LSAMP: variants seen among roughly 807,000 people sequenced by gnomAD.
LSAMP encodes the protein limbic system-associated membrane protein.
Under a neutral mutation model 38.6 loss-of-function variants are expected in LSAMP, and 7 were observed. The ratio of observed to expected loss-of-function variants is 0.18; its 90% CI spans 0.10 to 0.34. LSAMP has a LOEUF of 0.34. Among genes scored for constraint, LSAMP ranks in the 10% least tolerant of loss-of-function variants. The pLI, the probability that LSAMP is intolerant of heterozygous loss-of-function variation, is 1.00. For missense variants in LSAMP, 313 were observed against 420.0 expected (o/e 0.75, Z 2.23); for synonymous variants, 154 against 166.8 (o/e 0.92, Z 0.59).
At chr3:116,009,247 T>G (rs912533883) in intron 3 of LSAMP, among the ~76,000 whole-genome samples, 1 of 152,156 alleles carries the variant, frequency 6.6e-6, no homozygotes, top group Non-Finnish European at 1.5e-5. Context: ...TGGATGATGC[T>G]CAAACTGTGG....
chr3:115,982,256 T>C (rs1939381856), intron 3 of LSAMP, among the ~76,000 whole-genome samples: 1 of 152,148 alleles, frequency 6.6e-6, no homozygotes, highest in South Asian at 2.1e-4. Flanking sequence ...ATGAAGGAGA[T>C]ATTTACAGGC....
chr3:115,997,446 G>T (rs988830251), intron 3 of LSAMP, among the ~76,000 whole-genome samples: 1 of 151,796 alleles, frequency 6.6e-6, no homozygotes, highest in Non-Finnish European at 1.5e-5. Flanking sequence ...GTAGCATAAG[G>T]GGTGTGTGTG....
At chr3:116,276,954 G>A (rs2107677376) in intron 1 of LSAMP, among the ~76,000 whole-genome samples, 1 of 152,276 alleles carries the variant, frequency 6.6e-6, no homozygotes, top group East Asian at 1.9e-4. Context: ...CAGGTTTGTT[G>A]ACAGTCATGA....
chr3:116,004,043 T>C (rs1940078846), intron 3 of LSAMP, among the ~76,000 whole-genome samples: 3 of 152,174 alleles, frequency 2.0e-5, no homozygotes, highest in Non-Finnish European at 4.4e-5. Flanking sequence ...AAAAACTGTG[T>C]GATTAATGAC....
chr3:116,102,149 T>C (rs1378550715), intron 1 of LSAMP, among the ~76,000 whole-genome samples: 1 of 152,200 alleles, frequency 6.6e-6, no homozygotes, highest in Non-Finnish European at 1.5e-5. Context: ...ATATGTACAG[T>C]AGAATTTTCT....
At chr3:116,202,364 C>G (rs773599762) in intron 1 of LSAMP, among the ~76,000 whole-genome samples, 1 of 152,116 alleles carries the variant, frequency 6.6e-6, no homozygotes, top group Non-Finnish European at 1.5e-5. Context: ...GAACTCCTGA[C>G]CTTGAGTGGT....
intron 3 of LSAMP, among the ~76,000 whole-genome samples, chr3:115,969,678 G>C (rs7650067): frequency 0.23 from 35,080 of 151,968 alleles, 4,472 homozygotes; most frequent in African/African-American, 0.35. Flanking sequence ...ATTTTACTCA[G>C]TGTTTTATTA....
At chr3:116,282,369 C>T (rs760453630) in intron 1 of LSAMP, among the ~76,000 whole-genome samples, 9 of 152,146 alleles carry the variant, frequency 5.9e-5, no homozygotes, top group Non-Finnish European at 1.2e-4. Context: ...AAAATCTGTT[C>T]TTTTAACTAG....
At chr3:116,134,869 T>C (rs546213175) in intron 1 of LSAMP, among the ~76,000 whole-genome samples, 1 of 152,334 alleles carries the variant, frequency 6.6e-6, no homozygotes, top group South Asian at 2.1e-4. Context: ...TACTGCTGTG[T>C]ACATGAATAA....
chr3:116,128,498 A>C (rs1209712335), intron 1 of LSAMP, among the ~76,000 whole-genome samples: 3 of 152,200 alleles, frequency 2.0e-5, no homozygotes, highest in African/African-American at 7.2e-5. Context: ...GGGTTTGATC[A>C]TGTCATTCAC....
chr3:116,251,391 CA>C (rs1450225316), intron 1 of LSAMP, among the ~76,000 whole-genome samples: 21 of 152,112 alleles, frequency 1.4e-4, no homozygotes, highest in Non-Finnish European at 2.8e-4. Flanking sequence ...GAAAGTACCT[CA>C]ATACCAAGAA....
At chr3:116,291,941 G>A (rs2107694519) in intron 1 of LSAMP, among the ~76,000 whole-genome samples, 1 of 152,146 alleles carries the variant, frequency 6.6e-6, no homozygotes, top group African/African-American at 2.4e-5. Context: ...TTGGACTTTT[G>A]GTCTTTATCT....
chr3:115,857,000 C>G (rs1486121574), intron 3 of LSAMP, among the ~76,000 whole-genome samples: 1 of 152,278 alleles, frequency 6.6e-6, no homozygotes, highest in East Asian at 1.9e-4. Context: ...AACTCCACTG[C>G]CTTTTAATGA....
chr3:115,899,405 A>T (rs1936813277), intron 3 of LSAMP, among the ~76,000 whole-genome samples: 1 of 152,184 alleles, frequency 6.6e-6, no homozygotes, highest in South Asian at 2.1e-4. Context: ...AAGATGAGGC[A>T]GTGCAGAGCA....
chr3:116,061,578 T>C (rs887930394), intron 2 of LSAMP, among the ~76,000 whole-genome samples: 1 of 152,186 alleles, frequency 6.6e-6, no homozygotes, highest in Admixed American at 6.5e-5. Context: ...CCATTGAAGA[T>C]TGCAGCAGCC....
intron 2 of LSAMP, among the ~76,000 whole-genome samples, chr3:116,075,440 T>C (rs183806694): frequency 1.1e-4 from 17 of 152,106 alleles, no homozygotes; most frequent in Non-Finnish European, 2.1e-4. Flanking sequence ...CTGGCCTTTT[T>C]TCATTTCTTA....
intron 1 of LSAMP, among the ~76,000 whole-genome samples, chr3:116,293,134 T>C (rs945029972): frequency 3.9e-5 from 6 of 152,182 alleles, no homozygotes; most frequent in Non-Finnish European, 8.8e-5. Flanking sequence ...TAAGAACATC[T>C]CTTTTGGATG....
intron 1 of LSAMP, among the ~76,000 whole-genome samples, chr3:116,419,895 T>G (rs573351614): frequency 6.6e-6 from 1 of 152,300 alleles, no homozygotes; most frequent in East Asian, 1.9e-4. Context: ...TCATAATACC[T>G]TTTACAAAAA....
intron 3 of LSAMP, among the ~76,000 whole-genome samples, chr3:115,956,216 A>C (rs1297496353): frequency 1.3e-5 from 2 of 151,574 alleles, no homozygotes; most frequent in Non-Finnish European, 1.5e-5. Context: ...TTGGGAAAGC[A>C]CTAGGGTATC....
Sources: allele counts gnomAD v4.1 joint callset (sites outside exome capture counted in the v4.1 genomes callset), GRCh38; gene constraint gnomAD v4.1.1; transcripts MANE v1.5; gene names NCBI Gene and HGNC (gene_info 2026-07-23, HGNC 2026-07-21).